Variants in OPCML observed in about 807,000 individuals in gnomAD.
The protein encoded by OPCML is opioid-binding protein/cell adhesion molecule.
Under a neutral mutation model 37.8 loss-of-function variants are expected in OPCML, and 13 were observed. The observed-to-expected ratio is 0.34, with a 90% CI of 0.22 to 0.55. The LOEUF (loss-of-function observed/expected upper bound fraction) is 0.55. Ranked by LOEUF, OPCML falls within the 20% of genes least tolerant of loss-of-function variation. OPCML has a pLI of 0.91. For synonymous variants in OPCML, 176 were observed against 168.8 expected (o/e 1.04, Z -0.33); for missense variants, 341 against 435.6 (o/e 0.78, Z 1.93).
intron 2 of OPCML, among the ~76,000 whole-genome samples, chr11:132,788,639 A>G (rs938696040): frequency 1.3e-5 from 2 of 152,210 alleles, no homozygotes; most frequent in African/African-American, 4.8e-5. Flanking sequence ...AACACATTCT[A>G]TAGGACAGGC....
At chr11:133,394,483 G>A (rs975811557) in intron 1 of OPCML, among the ~76,000 whole-genome samples, 1 of 152,138 alleles carries the variant, frequency 6.6e-6, no homozygotes, top group African/African-American at 2.4e-5. Flanking sequence ...TTGTTGTACT[G>A]TCAAATAATA....
At chr11:133,336,406 A>C (rs1943744795) in intron 1 of OPCML, among the ~76,000 whole-genome samples, 1 of 152,202 alleles carries the variant, frequency 6.6e-6, no homozygotes, top group Non-Finnish European at 1.5e-5. Context: ...CTAGTGGCTA[A>C]GAATTTGGAA....
In OPCML at chr11:132,562,206, T is replaced by C. The variant is rs2137510878; in HGVS notation, c.380-33020A>G. On this transcript the variant is annotated intron_variant, in intron 3 of 7. Transcript: ENST00000524381. Reference sequence around the variant, plus strand: ...CCGCCAAATTAAAGAACTGAGGCACTAGAAACTGGTGTTTTCAGAGCAAGA... The same window carrying C: ...CCGCCAAATTAAAGAACTGAGGCACCAGAAACTGGTGTTTTCAGAGCAAGA... 2.0e-5 allele frequency among the ~76,000 whole-genome samples: 3 copies of C among 152,180 alleles called. 1 individual carries two copies. In the South Asian group the frequency reaches 6.2e-4, roughly 32 times the overall value.
At chr11:132,432,386 T>C (rs777412607) in intron 7 of OPCML, among the ~76,000 whole-genome samples, 1 of 152,200 alleles carries the variant, frequency 6.6e-6, no homozygotes, top group Non-Finnish European at 1.5e-5. Flanking sequence ...GATCTTGTGC[T>C]GAAACTATTG....
At chr11:133,363,785 C>T (rs868852589) in intron 1 of OPCML, among the ~76,000 whole-genome samples, 1 of 152,116 alleles carries the variant, frequency 6.6e-6, no homozygotes, top group African/African-American at 2.4e-5. Context: ...TATCCCAAGC[C>T]GAGCAAAAGA....
intron 3 of OPCML, among the ~76,000 whole-genome samples, chr11:132,620,035 T>C (rs1939306323): frequency 6.6e-6 from 1 of 152,216 alleles, no homozygotes; most frequent in Non-Finnish European, 1.5e-5. Flanking sequence ...TAAGAGATTT[T>C]CTTAATTTTA....
At chr11:133,090,782 A>G (rs2137051286) in intron 1 of OPCML, among the ~76,000 whole-genome samples, 1 of 152,324 alleles carries the variant, frequency 6.6e-6, no homozygotes, top group East Asian at 1.9e-4. Flanking sequence ...AGCAGAACTT[A>G]AAGATTGGGA....
intron 1 of OPCML, among the ~76,000 whole-genome samples, chr11:133,373,464 A>C (rs112772652): frequency 0.055 from 6,678 of 121,032 alleles, 571 homozygotes; most frequent in African/African-American, 0.2. Context: ...CACACACACA[A>C]AAATACAAAA....
chr11:132,585,352 G>A (rs2096470374), intron 3 of OPCML, among the ~76,000 whole-genome samples: 1 of 151,540 alleles, frequency 6.6e-6, no homozygotes, highest in Non-Finnish European at 1.5e-5. Flanking sequence ...GGAAAGGTTA[G>A]AGAAGAGGGA....
At chr11:132,716,316 C>T (rs78403895) in intron 2 of OPCML, among the ~76,000 whole-genome samples, 11,255 of 152,186 alleles carry the variant, frequency 0.074, 1,241 homozygotes, top group African/African-American at 0.24. Context: ...TGGGCTGCAG[C>T]GAAGATAGTC....
At chr11:133,248,471 AT>A (rs927009926) in intron 1 of OPCML, among the ~76,000 whole-genome samples, 63 of 152,360 alleles carry the variant, frequency 4.1e-4, no homozygotes, top group African/African-American at 1.5e-3. Flanking sequence ...GGGCAAGGCC[AT>A]TTGTTAAGAA....
At chr11:132,767,322 T>TGTGTTA (rs1946479696) in intron 2 of OPCML, among the ~76,000 whole-genome samples, 1 of 152,184 alleles carries the variant, frequency 6.6e-6, no homozygotes, top group South Asian at 2.1e-4. Context: ...CATGCTCACG[T>TGTGTTA]GTGTTAGTAA....
intron 1 of OPCML, among the ~76,000 whole-genome samples, chr11:133,034,308 G>GGTGTGTGTGTGTGTGTGTGTGTGTGT (rs71038514): frequency 2.8e-5 from 4 of 143,436 alleles, no homozygotes; most frequent in African/African-American, 1.1e-4. Flanking sequence ...TGTATGTATA[G>GGTGTGTGTGTGTGTGTGTGTGTGTGT]GTGTGTGTGT....
chr11:133,110,930 G>A (rs2137092077), intron 1 of OPCML, among the ~76,000 whole-genome samples: 1 of 152,268 alleles, frequency 6.6e-6, no homozygotes, highest in East Asian at 1.9e-4. Flanking sequence ...TGGGCAGTTA[G>A]TAAACCTTTC....
intron 1 of OPCML, among the ~76,000 whole-genome samples, chr11:133,221,033 C>T (rs1285893550): frequency 1.3e-5 from 2 of 152,190 alleles, no homozygotes; most frequent in African/African-American, 2.4e-5. Context: ...GGCCTGAACC[C>T]GCTTTCCGTT....
At chr11:133,102,582 C>T (rs1949099236) in intron 1 of OPCML, among the ~76,000 whole-genome samples, 1 of 151,998 alleles carries the variant, frequency 6.6e-6, no homozygotes, top group Non-Finnish European at 1.5e-5. Context: ...CCCTTCTCTA[C>T]TAAAAAATAC....
At chr11:132,989,602 CGTGTGTGTGTGTGTGTGTGTGTGTGTGT>C (rs72145712) in intron 1 of OPCML, among the ~76,000 whole-genome samples, 2 of 139,468 alleles carry the variant, frequency 1.4e-5, no homozygotes, top group African/African-American at 5.3e-5. Flanking sequence ...GGTCCTAGAG[CGTGTGTGTGTGTGTGTGTGTGTGTGTGT>C]GTGTGTGTGT....
chr11:132,499,935 C>A (rs1005477412), intron 4 of OPCML, among the ~76,000 whole-genome samples: 5 of 152,112 alleles, frequency 3.3e-5, no homozygotes, highest in African/African-American at 9.7e-5. Flanking sequence ...ACATGAAGAA[C>A]CCAAGTATAG....
chr11:132,569,419 T>G (rs571390308), intron 3 of OPCML, among the ~76,000 whole-genome samples: 14 of 152,168 alleles, frequency 9.2e-5, no homozygotes, highest in Non-Finnish European at 1.6e-4. Flanking sequence ...GTTTGTTGTT[T>G]AAGCTACCCA....
Sources: gnomAD v4.1 joint callset for allele counts (sites outside exome capture counted in the v4.1 genomes callset) on GRCh38, gnomAD v4.1.1 for gene constraint, MANE v1.5 for transcripts, NCBI Gene and HGNC (gene_info 2026-07-23, HGNC 2026-07-21) for gene names.